Variants in DNAH9 observed in about 807,000 individuals in gnomAD.
DNAH9 encodes DNAH9 variant protein.
In DNAH9, 345 loss-of-function variants were observed where a neutral mutation model predicts 471.6. The ratio of observed to expected loss-of-function variants is 0.73; its 90% confidence interval spans 0.67 to 0.80. The LOEUF is 0.80. Ranked by LOEUF, DNAH9 falls within the 30% of genes least tolerant of loss-of-function variation. The probability of loss-of-function intolerance (pLI) is 0.00; values close to 1 mark genes in which losing one functional copy is unlikely to be tolerated. For synonymous variants in DNAH9, 2,093 were observed against 2,123.6 expected (o/e 0.99, Z 0.40); for missense variants, 5,407 against 5,609.2 (o/e 0.96, Z 1.15).
intron 54 of DNAH9, among the ~76,000 whole-genome samples, chr17:11,880,827 G>A (rs1321602059): frequency 6.6e-6 from 1 of 152,118 alleles, no homozygotes; most frequent in African/African-American, 2.4e-5. Context: ...TCATTCCCAT[G>A]TCAGCCATGA....
intron 7 of DNAH9, among the ~76,000 whole-genome samples, chr17:11,631,659 A>G (rs1222470810): frequency 6.6e-6 from 1 of 150,396 alleles, no homozygotes; most frequent in Non-Finnish European, 1.5e-5. Flanking sequence ...AAAAAAGCAG[A>G]CCACAAAGCA....
At chr17:11,634,352 AAGGCTGGGGAGTAGGGACC>A (rs1288166106) in intron 8 of DNAH9, among the ~76,000 whole-genome samples, 2 of 152,146 alleles carry the variant, frequency 1.3e-5, no homozygotes, top group African/African-American at 4.8e-5. Flanking sequence ...GAACATTTTC[AAGGCTGGGGAGTAGGGACC>A]AGAGAGAGTA....
intron 49 of DNAH9, among the ~76,000 whole-genome samples, chr17:11,845,091 G>T (rs1302004251): frequency 6.6e-6 from 1 of 150,932 alleles, no homozygotes; most frequent in Non-Finnish European, 1.5e-5. Flanking sequence ...TGCCATGCTG[G>T]TGTGCTGTAC....
chr17:11,655,134 C>A (rs62060819), intron 14 of DNAH9, among the ~76,000 whole-genome samples: 51,186 of 151,844 alleles, frequency 0.34, 8,850 homozygotes, highest in Middle Eastern at 0.42. Context: ...TTTTACCCTC[C>A]CCCACCTCCC....
In DNAH9 at chr17:11,647,094, G is replaced by A; in HGVS notation, c.1993G>A (p.Asp665Asn). The A allele has an allele frequency of 1.2e-6, 2 of 1,614,012 alleles. No homozygotes were observed. The highest frequency in any genetic ancestry group is 1.7e-6 in the Non-Finnish European group (2 of 1,179,952). The change falls in exon 12 of 69, where the codon GAT (aspartate) becomes AAT (asparagine). Residue 665 changes from aspartate to asparagine, a missense_variant. Coordinates refer to ENST00000262442, the MANE Select transcript of DNAH9 (RefSeq NM_001372.4). The stretch of plus-strand genomic sequence containing the variant: ...CAGGTATGAGACAAGACTTTATGAG[G>A]ATTGGTGCCGGACAGTATCAGAGAA... ...LEKYETRLYE[D>N]WCRTVSEKSQ...
chr17:11,875,287 G>T (rs751794556), intron 53 of DNAH9, 103 bp downstream of exon 53: 20 of 882,002 alleles, frequency 2.3e-5, no homozygotes, highest in Non-Finnish European at 3.3e-5. Context: ...TACACTCCTG[G>T]TCTCTCCATC....
intron 6 of DNAH9, among the ~76,000 whole-genome samples, chr17:11,625,986 T>A (rs1266605383): frequency 6.6e-6 from 1 of 152,226 alleles, no homozygotes; most frequent in Non-Finnish European, 1.5e-5. Context: ...ATTGTTCCCA[T>A]CTACAGGTTA....
At chr17:11,723,824 C>T (rs1043641720) in intron 27 of DNAH9, among the ~76,000 whole-genome samples, 7 of 151,956 alleles carry the variant, frequency 4.6e-5, no homozygotes, top group South Asian at 2.1e-4. Flanking sequence ...CCCGCCACCA[C>T]GCCTGGCTAA....
At chr17:11,664,269 A>AGG (rs1185308415) in intron 14 of DNAH9, among the ~76,000 whole-genome samples, 1 of 151,540 alleles carries the variant, frequency 6.6e-6, no homozygotes, top group Non-Finnish European at 1.5e-5. Context: ...GGGAGGAAGG[A>AGG]GGGGAGAGAG....
intron 67 of DNAH9, among the ~76,000 whole-genome samples, chr17:11,945,397 C>T (rs939411004): frequency 1.4e-4 from 22 of 151,832 alleles, no homozygotes; most frequent in African/African-American, 3.9e-4. Context: ...ATAAGCCAGG[C>T]GTGGTGGCGG....
chr17:11,849,105 G>T (rs1971323343), intron 49 of DNAH9, among the ~76,000 whole-genome samples: 3 of 152,158 alleles, frequency 2.0e-5, no homozygotes, highest in Admixed American at 2.0e-4. Flanking sequence ...CAAAGTGCTG[G>T]CATTACAAGC....
chr17:11,745,016 T>A lies in DNAH9; in HGVS notation c.6331T>A (p.Phe2111Ile). ...TGTCCCCCGGAGGAGAGACCCCAAC[T>A]TCGAAGCTTTGGTTAGGAAGGCGAT... ...LDVPRRRDPN[F>I]EALVRKAIVD... is the part of the protein sequence containing the mutation. The change falls in exon 31 of 69, where the codon TTC becomes ATC. Residue 2111 changes from phenylalanine (F) to isoleucine (I), a missense_variant. Phe to Ile is a conservative substitution (Grantham distance 21). Coordinates refer to ENST00000262442, the MANE Select transcript of DNAH9 (RefSeq NM_001372.4). The A allele has an allele frequency of 6.2e-7, 1 of 1,614,132 alleles. No homozygotes were observed. The highest frequency in any genetic ancestry group is 8.5e-7 in the Non-Finnish European group (1 of 1,180,008).
At chr17:11,685,104 C>A (rs2074216487) in intron 19 of DNAH9, among the ~76,000 whole-genome samples, 1 of 152,092 alleles carries the variant, frequency 6.6e-6, no homozygotes, top group Non-Finnish European at 1.5e-5. Context: ...CTTATAGCCT[C>A]AGGGACAATT....
At chr17:11,907,370 T>C (rs139012556) in intron 61 of DNAH9, among the ~76,000 whole-genome samples, 2,322 of 151,714 alleles carry the variant, frequency 0.015, 53 homozygotes, top group African/African-American at 0.052. Context: ...CTCAGGAGGC[T>C]GAGGCAGGAG....
Position 11,929,849 on chromosome 17 carries a change from T to C in DNAH9, c.11878-17T>C. 3 of 1,605,196 alleles carry C rather than the reference T, an allele frequency of 1.9e-6. No individual in the cohort carries two copies. The highest frequency in any genetic ancestry group is 1.7e-4 in the Middle Eastern group (1 of 6,028). ...GCAGATGCCTGTATTGAGGGGGGGC[T>C]CCTTCCTTCCCACTAGAACATTCAC... On this transcript the variant is annotated splice_polypyrimidine_tract_variant and intron_variant, in intron 62 of 68. Transcript: ENST00000262442.
At chr17:11,886,433 A>G (rs1972879388) in intron 56 of DNAH9, among the ~76,000 whole-genome samples, 2 of 152,194 alleles carry the variant, frequency 1.3e-5, no homozygotes, top group African/African-American at 4.8e-5. Context: ...AAAATTAAGA[A>G]AAAAGAAGAC....
chr17:11,819,723 A>G (rs1597692941), intron 45 of DNAH9, among the ~76,000 whole-genome samples: 1 of 152,242 alleles, frequency 6.6e-6, no homozygotes, highest in Non-Finnish European at 1.5e-5. Flanking sequence ...AATGTTGAGA[A>G]AGAACCAGAA....
intron 11 of DNAH9, among the ~76,000 whole-genome samples, chr17:11,645,873 C>CTTTTTTTTT (rs1205010044): frequency 1.8e-4 from 25 of 138,744 alleles, no homozygotes; most frequent in African/African-American, 6.8e-4. Flanking sequence ...TTCTCTTTTT[C>CTTTTTTTTT]TTTTTCTTTT....
chr17:11,909,529 T>TAGGAAGGGAGC (rs1182549903), intron 61 of DNAH9, among the ~76,000 whole-genome samples: 1 of 152,204 alleles, frequency 6.6e-6, no homozygotes, highest in East Asian at 1.9e-4. Context: ...CCCTTGCTCC[T>TAGGAAGGGAGC]TCCTGCCTCT....
Sources: allele counts gnomAD v4.1 joint callset (sites outside exome capture counted in the v4.1 genomes callset), GRCh38; gene constraint gnomAD v4.1.1; transcripts MANE v1.5; gene names NCBI Gene and HGNC (gene_info 2026-07-23, HGNC 2026-07-21).